FAM193A: variants seen among roughly 807,000 people sequenced by gnomAD.
The protein encoded by FAM193A is protein FAM193A.
In FAM193A, 22 loss-of-function variants were observed where a neutral mutation model predicts 126.5. The observed-to-expected ratio is 0.17, with a 90% CI of 0.12 to 0.25. The LOEUF (loss-of-function observed/expected upper bound fraction) is 0.25. Among genes scored for constraint, FAM193A ranks in the 10% least tolerant of loss-of-function variants. The pLI is 1.00. For missense variants in FAM193A, 1,675 were observed against 1,672.8 expected (o/e 1.00, Z -0.02); for synonymous variants, 761 against 646.8 (o/e 1.18, Z -2.68).
intron 1 of FAM193A, among the ~76,000 whole-genome samples, chr4:2,566,920 T>C (rs1408433054): frequency 7.9e-5 from 12 of 151,840 alleles, no homozygotes; most frequent in African/African-American, 2.9e-4. Flanking sequence ...AAGATGTAAA[T>C]TGACTAGCTG....
At chr4:2,672,070 A>C (rs568749555) in intron 12 of FAM193A, 51 bp from the exon 13 acceptor site, 2 of 1,592,680 alleles carry the variant, frequency 1.3e-6, no homozygotes, top group African/African-American at 1.3e-5. Flanking sequence ...ACTTTAATTC[A>C]TACCATTTAT....
intron 1 of FAM193A, among the ~76,000 whole-genome samples, chr4:2,538,963 G>A (rs992157329): frequency 6.6e-5 from 10 of 151,652 alleles, no homozygotes; most frequent in African/African-American, 2.2e-4. Context: ...CGATCTTGGC[G>A]CACCGTAACC....
At chr4:2,705,924 G>T in intron 19 of FAM193A, among the ~76,000 whole-genome samples, 1 of 152,174 alleles carries the variant, frequency 6.6e-6, no homozygotes, top group East Asian at 1.9e-4. Context: ...CCTGGACCAG[G>T]TGTGAGGGTG....
intron 1 of FAM193A, among the ~76,000 whole-genome samples, chr4:2,552,596 G>A (rs1737999948): frequency 6.6e-6 from 1 of 151,816 alleles, no homozygotes; most frequent in Non-Finnish European, 1.5e-5. Context: ...GGAGTGCAGT[G>A]ACACGATTTC....
At position 2,536,800 on chromosome 4, in the gene FAM193A, C is replaced by G. The variant is rs1736900974; in HGVS notation, c.-116C>G. ...GACCCGGACGCGACCCCGCGCAGCG[C>G]CCCCCGGCTGGCCGGAGCGCCCGCC... On this transcript the variant is annotated 5_prime_UTR_variant, in exon 1 of 21. Coordinates refer to ENST00000637812, the MANE Select transcript of FAM193A (RefSeq NM_001366318.2). 1 of 147,176 alleles carries G rather than the reference C, an allele frequency of 6.8e-6. No homozygotes were observed. Among genetic ancestry groups the G allele is most frequent in the African/African-American group, 2.5e-5 (1 of 40,492 alleles). The allele number at this position is 147,176 out of a possible 1,614,324, so 9.1% of individuals were successfully genotyped here.
chr4:2,681,636 T>G (rs559435923), intron 13 of FAM193A, among the ~76,000 whole-genome samples: 1 of 152,022 alleles, frequency 6.6e-6, no homozygotes, highest in Non-Finnish European at 1.5e-5. Flanking sequence ...GTCTATGTAT[T>G]TATTTACGTA....
rs565610139 is a variant in FAM193A, at chr4:2,717,231, C to T, written c.4454+1127C>T. ...TTGACTTTAAGTGATGCACTCACCT[C>T]AGCCTCCCAAAGTGCTGAGATTACA... On this transcript the variant is annotated intron_variant, in intron 20 of 20. Coordinates refer to ENST00000637812, the MANE Select transcript of FAM193A (RefSeq NM_001366318.2). Among the ~76,000 whole-genome samples, 8 of 151,860 alleles carry T rather than the reference C, an allele frequency of 5.3e-5. No homozygotes were observed. The South Asian group carries it at 1.5e-3, about 28-fold the overall frequency.
intron 2 of FAM193A, among the ~76,000 whole-genome samples, chr4:2,612,577 G>A (rs527558152): frequency 6.6e-6 from 1 of 152,198 alleles, no homozygotes; most frequent in East Asian, 1.9e-4. Flanking sequence ...ATACATTTAG[G>A]TCTATGAGCC....
intron 1 of FAM193A, among the ~76,000 whole-genome samples, chr4:2,591,362 A>G (rs759030262): frequency 1.3e-5 from 2 of 152,134 alleles, no homozygotes; most frequent in Non-Finnish European, 2.9e-5. Flanking sequence ...TAAGGACTTG[A>G]TCTTTTTAGG....
chr4:2,727,461 C>G (rs533352681), intron 20 of FAM193A, among the ~76,000 whole-genome samples: 1 of 152,116 alleles, frequency 6.6e-6, no homozygotes, highest in African/African-American at 2.4e-5. Flanking sequence ...GCAGCATTCC[C>G]GCTGAGACTG....
At chr4:2,542,045 T>C (rs757767654) in intron 1 of FAM193A, among the ~76,000 whole-genome samples, 39 of 150,956 alleles carry the variant, frequency 2.6e-4, no homozygotes, top group Non-Finnish European at 8.9e-5. Context: ...AGACAGAGTC[T>C]CACTGCGTCA....
At chr4:2,713,420 A>T (rs867922559) in intron 19 of FAM193A, among the ~76,000 whole-genome samples, 1 of 152,160 alleles carries the variant, frequency 6.6e-6, no homozygotes, top group Non-Finnish European at 1.5e-5. Context: ...ACAAAAAAAA[A>T]TTGGGGTATT....
At chr4:2,602,567 G>C (rs1741263282) in intron 2 of FAM193A, among the ~76,000 whole-genome samples, 1 of 151,924 alleles carries the variant, frequency 6.6e-6, no homozygotes, top group African/African-American at 2.4e-5. Flanking sequence ...TGGCCAGGCT[G>C]TTCTTGAACT....
intron 2 of FAM193A, among the ~76,000 whole-genome samples, chr4:2,618,176 A>C (rs1742321719): frequency 6.6e-6 from 1 of 152,092 alleles, no homozygotes; most frequent in South Asian, 2.1e-4. Context: ...GCACTTTGTC[A>C]CTGGTTTTCA....
chr4:2,627,357 C>T lies in FAM193A; in HGVS notation c.803+780C>T, dbSNP rs556766316. On this transcript the variant is annotated intron_variant, in intron 4 of 20. Coordinates refer to ENST00000637812, the MANE Select transcript of FAM193A (RefSeq NM_001366318.2). ...TGTATTTTTAATAGAGATGGGGTTT[C>T]ACCATGTTGGTCAGGTTGGTCTCTA... Among the ~76,000 whole-genome samples, 10 of 150,948 alleles carry T rather than the reference C, an allele frequency of 6.6e-5. No homozygotes were observed. In the South Asian group the frequency reaches 1.9e-3, roughly 29 times the overall value.
chr4:2,668,209 G>A (rs1408560696), intron 12 of FAM193A, among the ~76,000 whole-genome samples: 1 of 147,860 alleles, frequency 6.8e-6, no homozygotes, highest in African/African-American at 2.5e-5. Flanking sequence ...GCCACAATAT[G>A]CATCTTTTTT....
intron 19 of FAM193A, among the ~76,000 whole-genome samples, chr4:2,713,508 CT>C (rs963192975): frequency 6.6e-6 from 1 of 152,148 alleles, no homozygotes; most frequent in African/African-American, 2.4e-5. Flanking sequence ...CCTGGGTTCC[CT>C]GTGTACCCCC....
chr4:2,697,115 GA>G (rs1717130874), intron 18 of FAM193A, among the ~76,000 whole-genome samples: 1 of 152,138 alleles, frequency 6.6e-6, no homozygotes. Flanking sequence ...TAGAGGGGAG[GA>G]AAATAAGTCT....
intron 13 of FAM193A, among the ~76,000 whole-genome samples, chr4:2,684,594 A>G (rs915998468): frequency 2.8e-4 from 43 of 152,168 alleles, no homozygotes; most frequent in African/African-American, 9.7e-4. Flanking sequence ...TGTGAGAACC[A>G]CAGCCCTCCA....
Sources: gnomAD v4.1 joint callset for allele counts (sites outside exome capture counted in the v4.1 genomes callset) on GRCh38, gnomAD v4.1.1 for gene constraint, MANE v1.5 for transcripts, NCBI Gene and HGNC (gene_info 2026-07-23, HGNC 2026-07-21) for gene names.